ZNF569: variants seen among roughly 807,000 people sequenced by gnomAD.
ZNF569 encodes the protein zinc finger protein 569.
ZNF569 carries 38 observed loss-of-function variants against 56.3 expected under a neutral mutation model. That is an observed-to-expected ratio of 0.68 (90% CI 0.52 to 0.88). The LOEUF is 0.88. ZNF569 is among the 40% of genes least tolerant of loss of function. The pLI is 0.00. For synonymous variants in ZNF569, 241 were observed against 262.9 expected (o/e 0.92, Z 0.81); for missense variants, 666 against 809.2 (o/e 0.82, Z 2.15).
chr19:37,467,505 G>C (rs1469312809), upstream of ZNF569: 1 of 245,794 alleles, frequency 4.1e-6, no homozygotes, highest in African/African-American at 2.2e-5. Flanking sequence ...CCTGCAAAAA[G>C]GCACTTCCTT....
intron 3 of ZNF569, among the ~76,000 whole-genome samples, chr19:37,433,212 C>G (rs2146909649): frequency 6.6e-6 from 1 of 152,222 alleles, no homozygotes. Flanking sequence ...CCACCACCCC[C>G]AGTCTGTTCA....
chr19:37,425,705 T>G, intron 5 of ZNF569, 163 bp downstream of exon 5: 1 of 540,622 alleles, frequency 1.8e-6, no homozygotes, highest in Non-Finnish European at 3.3e-6. Flanking sequence ...ACTCAAGCAA[T>G]CCTTCCACCT....
rs1042030037 is a variant in ZNF569 at position 37,413,556 on chromosome 19, T to C, written c.1102A>G (p.Met368Val). ...KCGKAFSQFS[M>V]LIIHVRIHTG... ...TGAATTCTAACATGTATAATAAGCATGGAAAACTGAGAGAAGGCTTTACCA... is the reference window on the plus strand; with the variant it reads ...TGAATTCTAACATGTATAATAAGCACGGAAAACTGAGAGAAGGCTTTACCA... The change falls in exon 6 of 6, where the codon ATG (methionine) becomes GTG (valine). Residue 368 changes from methionine (M) to valine (V), a missense_variant. Met to Val is a conservative substitution (Grantham distance 21). Coordinates refer to ENST00000316950, the MANE Select transcript of ZNF569 (RefSeq NM_152484.3). 4.3e-6 allele frequency: 7 copies of C among 1,612,962 alleles called. No homozygotes were observed. The highest frequency in any genetic ancestry group is 1.7e-5 in the Admixed American group (1 of 59,844).
chr19:37,469,239 C>T, upstream of ZNF569: 1 of 1,372,526 alleles, frequency 7.3e-7, no homozygotes, highest in Non-Finnish European at 9.4e-7. Flanking sequence ...TGCACCGCTG[C>T]TGCCAGACAC....
At position 37,411,928 on chromosome 19, in the gene ZNF569, A is replaced by G. The variant is rs1324567956; in HGVS notation, c.*669T>C. The stretch of plus-strand genomic sequence containing the variant: ...AAATAAGTACATGATATATCTAATA[A>G]TAGAGTGTGTCTTCTCTACTTGCTT... On this transcript the variant is annotated 3_prime_UTR_variant, in exon 6 of 6. Coordinates refer to ENST00000316950, the MANE Select transcript of ZNF569 (RefSeq NM_152484.3). 6.6e-6 allele frequency: 1 copy of G among 152,074 alleles called. No homozygotes were observed. The highest frequency in any genetic ancestry group is 1.5e-5 in the Non-Finnish European group (1 of 68,008). 9.4% of individuals were successfully genotyped at this position (152,074 alleles called of 1,614,324 possible).
chr19:37,422,805 C>T (rs1455006419), intron 5 of ZNF569, among the ~76,000 whole-genome samples: 1 of 152,100 alleles, frequency 6.6e-6, no homozygotes, highest in Admixed American at 6.6e-5. Context: ...ATTAGAATTA[C>T]GGTACAGCAA....
chr19:37,435,136 A>T (rs923524391), intron 3 of ZNF569, among the ~76,000 whole-genome samples: 24 of 152,284 alleles, frequency 1.6e-4, no homozygotes, highest in Admixed American at 5.9e-4. Context: ...ATAAATAAAT[A>T]AATAAATTAA....
intron 3 of ZNF569, among the ~76,000 whole-genome samples, chr19:37,443,117 C>T (rs188082078): frequency 1.3e-5 from 2 of 152,184 alleles, no homozygotes; most frequent in East Asian, 1.9e-4. Flanking sequence ...CTTTGTGAGG[C>T]GGGCAGATAA....
intron 5 of ZNF569, among the ~76,000 whole-genome samples, chr19:37,421,825 T>C (rs7259754): frequency 0.023 from 3,374 of 146,782 alleles, 148 homozygotes; most frequent in African/African-American, 0.08. Context: ...TCTCAGCTCA[T>C]TGCAACCTCC....
At chr19:37,424,998 T>G (rs144935766) in intron 5 of ZNF569, among the ~76,000 whole-genome samples, 1 of 150,960 alleles carries the variant, frequency 6.6e-6, no homozygotes, top group South Asian at 2.1e-4. Flanking sequence ...CACGTGCCTG[T>G]AGTCCCAGCT....
chr19:37,416,556 A>G (rs1287746468), intron 5 of ZNF569, among the ~76,000 whole-genome samples: 1 of 152,170 alleles, frequency 6.6e-6, no homozygotes, highest in Non-Finnish European at 1.5e-5. Flanking sequence ...ATCTTTCTGT[A>G]TACTTTAAAT....
chr19:37,423,816 T>C (rs2041078081), intron 5 of ZNF569, among the ~76,000 whole-genome samples: 1 of 152,192 alleles, frequency 6.6e-6, no homozygotes, highest in South Asian at 2.1e-4. Flanking sequence ...GAAATGTAAA[T>C]TCAAGCTATA....
At chr19:37,451,399 G>GAA (rs74174466) in intron 2 of ZNF569, among the ~76,000 whole-genome samples, 9 of 105,146 alleles carry the variant, frequency 8.6e-5, no homozygotes, top group Admixed American at 2.0e-4. Context: ...GACCCCATCT[G>GAA]AAAAAAAAAA....
chr19:37,440,426 G>T (rs1489121415), intron 3 of ZNF569, among the ~76,000 whole-genome samples: 1 of 151,946 alleles, frequency 6.6e-6, no homozygotes, highest in African/African-American at 2.4e-5. Flanking sequence ...AGTGAGAGAG[G>T]GATAGGGGAA....
upstream of ZNF569, among the ~76,000 whole-genome samples, chr19:37,468,238 A>G (rs76135839): frequency 0.038 from 5,730 of 151,030 alleles, 150 homozygotes; most frequent in Non-Finnish European, 0.053. Context: ...ATCAAGGGAC[A>G]CTCCGCCCGG....
chr19:37,415,081 G>T (rs2040905561), intron 5 of ZNF569, among the ~76,000 whole-genome samples: 1 of 151,912 alleles, frequency 6.6e-6, no homozygotes, highest in Non-Finnish European at 1.5e-5. Context: ...TGACAAAGAT[G>T]ACACACCAAA....
Position 37,414,372 on chromosome 19 carries a change from A to G in ZNF569, c.286T>C (p.Leu96=), listed in dbSNP as rs2040893527. The G allele has an allele frequency of 6.2e-7, 1 of 1,610,940 alleles. No homozygotes were observed. The highest frequency in any genetic ancestry group is 1.1e-5 in the South Asian group (1 of 90,370). ...DEHQKNQDRL[L]RQVEVKFQKT... is the part of the protein sequence containing the mutation. ...TGGAATTTAACTTCAACTTGTCTCA[A>G]AAGTCTGTCCTGGTTTTTCTGATGC... is the stretch of plus-strand genomic sequence containing the variant. Residue 96 remains leucine, a synonymous_variant, in exon 6 of 6, where the codon TTG becomes CTG. Coordinates refer to ENST00000316950, the MANE Select transcript of ZNF569 (RefSeq NM_152484.3).
intron 2 of ZNF569, among the ~76,000 whole-genome samples, chr19:37,445,807 CAAATGG>C (rs1369871870): frequency 6.6e-6 from 1 of 152,018 alleles, no homozygotes; most frequent in African/African-American, 2.4e-5. Context: ...ATAACACAAA[CAAATGG>C]AAACACATCC....
chr19:37,412,897 G>A lies in ZNF569; in HGVS notation c.1761C>T (p.Phe587=), dbSNP rs1255088325. The A allele has an allele frequency of 6.2e-7, 1 of 1,614,048 alleles. No individual in the cohort carries two copies. Residue 587 remains phenylalanine (F), a synonymous_variant, in exon 6 of 6, where the codon TTC becomes TTT. Coordinates refer to ENST00000316950, the MANE Select transcript of ZNF569 (RefSeq NM_152484.3). ...GCACAATAAGGGAAGTTCTTTGAGAGAAGGCTTTCCCACATTCATTACATA... is the reference window on the plus strand; with the variant it reads ...GCACAATAAGGGAAGTTCTTTGAGAAAAGGCTTTCCCACATTCATTACATA... ...PYVCNECGKA[F]SQRTSLIVHM...
Sources: allele counts gnomAD v4.1 joint callset (sites outside exome capture counted in the v4.1 genomes callset), GRCh38; gene constraint gnomAD v4.1.1; transcripts MANE v1.5; gene names NCBI Gene and HGNC (gene_info 2026-07-23, HGNC 2026-07-21).